The following COMMD1 variants were observed in gnomAD, a reference collection of about 807,000 sequenced individuals.
The protein encoded by COMMD1 is copper metabolism domain containing 1.
In COMMD1, 10 loss-of-function variants were observed where a neutral mutation model predicts 17.2. The ratio of observed to expected loss-of-function variants is 0.58; its 90% CI spans 0.36 to 0.99. The LOEUF is 0.99. Among genes scored for constraint, COMMD1 ranks in the 50% least tolerant of loss-of-function variants. COMMD1 has a pLI of 0.01. For synonymous variants in COMMD1, 97 were observed against 91.6 expected (o/e 1.06, Z -0.34); for missense variants, 270 against 231.8 (o/e 1.17, Z -1.07).
intron 1 of COMMD1, among the ~76,000 whole-genome samples, chr2:61,997,089 T>C (rs973862461): frequency 6.6e-6 from 1 of 151,762 alleles, no homozygotes; most frequent in African/African-American, 2.4e-5. Context: ...AGACAGGGTC[T>C]TGCTGTGTCA....
intron 1 of COMMD1, among the ~76,000 whole-genome samples, chr2:61,894,476 C>G (rs905174563): frequency 6.6e-6 from 1 of 151,702 alleles, no homozygotes; most frequent in African/African-American, 2.4e-5. Context: ...AATCAAGTTC[C>G]TAGATCCAAC....
intron 1 of COMMD1, among the ~76,000 whole-genome samples, chr2:61,917,589 G>A (rs776221445): frequency 1.3e-5 from 2 of 151,752 alleles, no homozygotes; most frequent in Non-Finnish European, 2.9e-5. Flanking sequence ...CTGCAGTGCC[G>A]TGATCTCGGC....
At chr2:62,120,526 A>G (rs1360196537) in intron 2 of COMMD1, among the ~76,000 whole-genome samples, 1 of 151,896 alleles carries the variant, frequency 6.6e-6, no homozygotes, top group Non-Finnish European at 1.5e-5. Flanking sequence ...AGTGAAATTT[A>G]TTTCTCCTTC....
chr2:62,131,018 G>A (rs1673015919), intron 2 of COMMD1, among the ~76,000 whole-genome samples: 3 of 152,294 alleles, frequency 2.0e-5, no homozygotes, highest in Admixed American at 2.0e-4. Context: ...AGTTCATTAG[G>A]AATATGTGAG....
At chr2:62,000,131 C>T (rs990784794) in intron 1 of COMMD1, among the ~76,000 whole-genome samples, 2 of 151,938 alleles carry the variant, frequency 1.3e-5, no homozygotes, top group African/African-American at 2.4e-5. Flanking sequence ...ACCATTTTGG[C>T]CAGGTTGGTC....
At chr2:62,035,283 A>G (rs1417963476) in intron 2 of COMMD1, among the ~76,000 whole-genome samples, 3 of 152,202 alleles carry the variant, frequency 2.0e-5, no homozygotes, top group African/African-American at 4.8e-5. Flanking sequence ...CTTTATTCCA[A>G]TACATATTTA....
intron 2 of COMMD1, among the ~76,000 whole-genome samples, chr2:62,073,035 G>T (rs1170104193): frequency 2.0e-5 from 3 of 152,250 alleles, no homozygotes; most frequent in Non-Finnish European, 4.4e-5. Flanking sequence ...AGCCCAGCTG[G>T]CAAAGTGGCA....
At chr2:61,897,537 C>T (rs1205230770) in intron 1 of COMMD1, among the ~76,000 whole-genome samples, 1 of 152,112 alleles carries the variant, frequency 6.6e-6, no homozygotes, top group Non-Finnish European at 1.5e-5. Flanking sequence ...CACCTGAGTT[C>T]AGGAGTTTGA....
At chr2:61,907,688 T>C (rs1669806962) in intron 1 of COMMD1, among the ~76,000 whole-genome samples, 1 of 152,044 alleles carries the variant, frequency 6.6e-6, no homozygotes, top group African/African-American at 2.4e-5. Flanking sequence ...CTGAAAACTC[T>C]CTTATTTTAT....
intron 2 of COMMD1, among the ~76,000 whole-genome samples, chr2:62,105,130 AAAAAAAAAGAAAAAG>A (rs1021523685): frequency 4.6e-5 from 7 of 151,616 alleles, no homozygotes; most frequent in Non-Finnish European, 7.4e-5. Flanking sequence ...TGTCTCAAAA[AAAAAAAAAGAAAAAG>A]AAAAAAAAGA....
intron 2 of COMMD1, among the ~76,000 whole-genome samples, chr2:62,099,682 T>C (rs1672119450): frequency 6.6e-6 from 1 of 151,638 alleles, no homozygotes; most frequent in Non-Finnish European, 1.5e-5. Context: ...ACTGAGTCGT[T>C]TCTACCCTCT....
intron 2 of COMMD1, among the ~76,000 whole-genome samples, chr2:62,076,391 A>G (rs1181167855): frequency 6.6e-6 from 1 of 152,240 alleles, no homozygotes; most frequent in Non-Finnish European, 1.5e-5. Flanking sequence ...CTTTGGCCTA[A>G]GCCTTGAAGA....
intron 1 of COMMD1, among the ~76,000 whole-genome samples, chr2:61,889,261 C>G (rs1003995981): frequency 2.5e-5 from 3 of 117,988 alleles, no homozygotes; most frequent in African/African-American, 9.8e-5. Flanking sequence ...GGCGGGAGTG[C>G]AGTGGGGCGA....
At chr2:61,934,352 A>G (rs1670547494) in intron 1 of COMMD1, among the ~76,000 whole-genome samples, 1 of 152,202 alleles carries the variant, frequency 6.6e-6, no homozygotes, top group Non-Finnish European at 1.5e-5. Context: ...AAACTCATTT[A>G]GAGCCTTGAA....
At chr2:62,001,652 T>A (rs1429707550) in intron 2 of COMMD1, among the ~76,000 whole-genome samples, 1 of 152,166 alleles carries the variant, frequency 6.6e-6, no homozygotes, top group Non-Finnish European at 1.5e-5. Context: ...AACTGGTAAT[T>A]AGGAAGAGAA....
At chr2:62,127,203 A>C (rs562891141) in intron 2 of COMMD1, among the ~76,000 whole-genome samples, 2 of 152,336 alleles carry the variant, frequency 1.3e-5, no homozygotes, top group Admixed American at 6.5e-5. Context: ...AGAACTACAG[A>C]CCACTGCTCA....
intron 2 of COMMD1, among the ~76,000 whole-genome samples, chr2:62,068,157 T>C (rs1671105403): frequency 6.6e-6 from 1 of 152,170 alleles, no homozygotes; most frequent in East Asian, 1.9e-4. Flanking sequence ...ATTTGGTCAA[T>C]TGATTCTCAA....
rs189668284 is a variant in COMMD1 at position 62,022,690 on chromosome 2, A to T, written c.462+21708A>T. Among the ~76,000 whole-genome samples, 4 of 151,856 alleles carry T rather than the reference A, an allele frequency of 2.6e-5. No individual in the cohort carries two copies. In the East Asian group the frequency reaches 5.8e-4, roughly 22 times the overall value. On this transcript the variant is annotated intron_variant, in intron 2 of 2. Coordinates refer to ENST00000311832, the MANE Select transcript of COMMD1 (RefSeq NM_152516.4). The stretch of plus-strand genomic sequence containing the variant: ...AATAAAATGATTTTTGTAAATTCAT[A>T]CTTTGCACCCCCTCTACTTTAGTAG...
At chr2:62,132,939 A>G (rs34664082) in intron 2 of COMMD1, among the ~76,000 whole-genome samples, 12,855 of 152,294 alleles carry the variant, frequency 0.084, 729 homozygotes, top group Non-Finnish European at 0.12. Flanking sequence ...AATTTTGCCA[A>G]CTGAACTGCC....
Sources: gnomAD v4.1 joint callset for allele counts (sites outside exome capture counted in the v4.1 genomes callset) on GRCh38, gnomAD v4.1.1 for gene constraint, MANE v1.5 for transcripts, NCBI Gene and HGNC (gene_info 2026-07-23, HGNC 2026-07-21) for gene names.